Variants in FAM241A observed in about 807,000 individuals in gnomAD.
The protein encoded by FAM241A is family with sequence similarity 241 member A, also known as uncharacterized protein FAM241A.
In FAM241A, 7 loss-of-function variants were observed where a neutral mutation model predicts 12.2. That is an observed-to-expected ratio of 0.58 (90% confidence interval 0.33 to 1.08). The LOEUF (loss-of-function observed/expected upper bound fraction) is 1.08, where lower values mean the gene tolerates loss of function less well. Ranked by LOEUF, FAM241A falls within the 50% of genes least tolerant of loss-of-function variation. FAM241A has a pLI of 0.04. For synonymous variants in FAM241A, 74 were observed against 68.2 expected (o/e 1.08, Z -0.42); for missense variants, 161 against 169.7 (o/e 0.95, Z 0.29).
In FAM241A at chr4:112,188,998, GA is replaced by G. The variant is rs1353521453; in HGVS notation, c.*2063del. On this transcript the variant is annotated 3_prime_UTR_variant, in exon 2 of 2. Coordinates refer to ENST00000309733, the MANE Select transcript of FAM241A (RefSeq NM_152400.3). ...AAAAACAAACTTTGCCTATGTAATG[GA>G]AATAAAATATTTTCTTTTATGAAAT... 1.3e-5 allele frequency: 2 copies of G among 152,040 alleles called. No homozygotes were observed. Among genetic ancestry groups the G allele is most frequent in the African/African-American group, 4.8e-5 (2 of 41,402 alleles). The allele number at this position is 152,040 out of a possible 1,614,324, so 9.4% of individuals were successfully genotyped here.
intron 1 of FAM241A, among the ~76,000 whole-genome samples, chr4:112,183,237 T>C (rs747664415): frequency 6.6e-6 from 1 of 151,972 alleles, no homozygotes; most frequent in African/African-American, 2.4e-5. Context: ...CGTATATAGG[T>C]TTATTATACT....
intron 1 of FAM241A, among the ~76,000 whole-genome samples, chr4:112,178,131 A>G (rs1468152585): frequency 6.6e-6 from 1 of 152,154 alleles, no homozygotes; most frequent in Non-Finnish European, 1.5e-5. Flanking sequence ...TAGATATATA[A>G]AGAAATAATT....
At position 112,187,638 on chromosome 4, in the gene FAM241A, T is replaced by A. The variant is rs1243291133; in HGVS notation, c.*700T>A. Reference sequence around the variant, plus strand: ...ATATATCATTTGAAGTTTCAGACAATTTTGGTGCTAATTACTTTTTGTGAG... The same window carrying A: ...ATATATCATTTGAAGTTTCAGACAAATTTGGTGCTAATTACTTTTTGTGAG... On this transcript the variant is annotated 3_prime_UTR_variant, in exon 2 of 2. Transcript: ENST00000309733. 6.7e-6 allele frequency: 1 copy of A among 150,174 alleles called. No individual in the cohort carries two copies. Among genetic ancestry groups the A allele is most frequent in the African/African-American group, 2.4e-5 (1 of 41,382 alleles). 9.3% of individuals were successfully genotyped at this position (150,174 alleles called of 1,614,324 possible). A position where few individuals can be genotyped will look rare whatever the true frequency, so the allele number is the denominator to read the frequency against.
At position 112,184,267 on chromosome 4, in the gene FAM241A, C is replaced by T. The variant is rs1478787173; in HGVS notation, c.154-2426C>T. Among the ~76,000 whole-genome samples the T allele has an allele frequency of 2.6e-5, 4 of 152,182 alleles. No homozygotes were observed. The South Asian group carries it at 6.2e-4, about 24-fold the overall frequency. On this transcript the variant is annotated intron_variant, in intron 1 of 1. Coordinates refer to ENST00000309733, the MANE Select transcript of FAM241A (RefSeq NM_152400.3). ...AAAATAGGCCGGGCACAGTGGCTCA[C>T]GCTGGTAATTCCAGCACTTTGGGAG...
intron 1 of FAM241A, among the ~76,000 whole-genome samples, chr4:112,155,961 A>G (rs1470102750): frequency 6.6e-6 from 1 of 152,222 alleles, no homozygotes; most frequent in Non-Finnish European, 1.5e-5. Context: ...GTTAAGTAAC[A>G]TAGTGAAAGT....
intron 1 of FAM241A, among the ~76,000 whole-genome samples, chr4:112,177,810 C>A (rs1481634983): frequency 6.6e-6 from 1 of 152,056 alleles, no homozygotes; most frequent in Admixed American, 6.6e-5. Context: ...TTTTAGCTAG[C>A]AGCTGTCATA....
Position 112,189,821 on chromosome 4 carries a change from AAATT to A in FAM241A, c.*2885_*2888del. 6.6e-6 allele frequency: 1 copy of A among 151,694 alleles called. No individual in the cohort carries two copies. Among genetic ancestry groups the A allele is most frequent in the Non-Finnish European group, 1.5e-5 (1 of 67,996 alleles). The allele number at this position is 151,694 out of a possible 1,614,324, so 9.4% of individuals were successfully genotyped here. A position where few individuals can be genotyped will look rare whatever the true frequency, so the allele number is the denominator to read the frequency against. On this transcript the variant is annotated 3_prime_UTR_variant, in exon 2 of 2. Coordinates refer to ENST00000309733, the MANE Select transcript of FAM241A (RefSeq NM_152400.3). ...CATGGTGAGAGTATTTACACCAAAA[AAATT>A]AGTAAACACTGCAAATCAGATCTTT... is the stretch of plus-strand genomic sequence containing the variant.
At chr4:112,179,085 C>A (rs1240717163) in intron 1 of FAM241A, among the ~76,000 whole-genome samples, 1 of 152,110 alleles carries the variant, frequency 6.6e-6, no homozygotes, top group Non-Finnish European at 1.5e-5. Flanking sequence ...GAACTTCAAA[C>A]ACTCTGATGT....
chr4:112,190,567 T>C lies in FAM241A; in HGVS notation c.*3629T>C, dbSNP rs1310644514. 6.7e-6 allele frequency: 1 copy of C among 148,168 alleles called. No individual in the cohort carries two copies. The highest frequency in any genetic ancestry group is 1.5e-5 in the Non-Finnish European group (1 of 67,346). 9.2% of individuals were successfully genotyped at this position (148,168 alleles called of 1,614,324 possible). On this transcript the variant is annotated 3_prime_UTR_variant, in exon 2 of 2. Coordinates refer to ENST00000309733, the MANE Select transcript of FAM241A (RefSeq NM_152400.3). ...ATACAAAATTAGCTAGGCGTGGTGG[T>C]GCATGCCTGTAATCTCAGCTACTCA...
chr4:112,175,256 G>A (rs1723796605), intron 1 of FAM241A, among the ~76,000 whole-genome samples: 1 of 152,060 alleles, frequency 6.6e-6, no homozygotes, highest in Non-Finnish European at 1.5e-5. Context: ...CCATTTCTTG[G>A]CTTTACTTTA....
rs1445711697 is a variant in FAM241A, at chr4:112,187,616, T to TAA, written c.*679_*680insAA. On this transcript the variant is annotated 3_prime_UTR_variant, in exon 2 of 2. Transcript: ENST00000309733. ...ATTTGGACCTAGACCTACTTTAATA[T>TAA]ATCATTTGAAGTTTCAGACAATTTT... is the stretch of plus-strand genomic sequence containing the variant. 6.6e-6 allele frequency: 1 copy of TAA among 152,472 alleles called. No homozygotes were observed. The highest frequency in any genetic ancestry group is 2.4e-5 in the African/African-American group (1 of 41,456). The allele number at this position is 152,472 out of a possible 1,614,324, so 9.4% of individuals were successfully genotyped here.
Position 112,161,351 on chromosome 4 carries a change from A to T in FAM241A, c.153+15618A>T, listed in dbSNP as rs184487392. 4.2e-3 allele frequency among the ~76,000 whole-genome samples: 637 copies of T among 152,322 alleles called. 7 individuals carry two copies. The highest frequency in any genetic ancestry group is 0.015 in the African/African-American group (611 of 41,564). On this transcript the variant is annotated intron_variant, in intron 1 of 1. Coordinates refer to ENST00000309733, the MANE Select transcript of FAM241A (RefSeq NM_152400.3). Reference sequence around the variant, plus strand: ...GGAGATACAGACACAAAAAACCTTCAAAAAATCAATGAATCTAGGAGCTGG... The same window carrying T: ...GGAGATACAGACACAAAAAACCTTCTAAAAATCAATGAATCTAGGAGCTGG...
At chr4:112,179,615 A>T (rs1178317094) in intron 1 of FAM241A, among the ~76,000 whole-genome samples, 1 of 151,948 alleles carries the variant, frequency 6.6e-6, no homozygotes. Flanking sequence ...GTAAATGACG[A>T]GTTAATGGGT....
Position 112,146,912 on chromosome 4 carries a change from C to G in FAM241A, c.153+1179C>G, listed in dbSNP as rs148736395. On this transcript the variant is annotated intron_variant, in intron 1 of 1. Transcript: ENST00000309733. ...ATTTGGTAGCTTGTTCTTCGGATTC[C>G]CTTCCTAGTGGTTTTTCCCGTTAAC... Among the ~76,000 whole-genome samples, 491 of 152,280 alleles carry G rather than the reference C, an allele frequency of 3.2e-3. 1 individual carries two copies. The highest frequency in any genetic ancestry group is 5.3e-3 in the Non-Finnish European group (361 of 68,026).
intron 1 of FAM241A, among the ~76,000 whole-genome samples, chr4:112,183,543 A>G (rs1176373984): frequency 6.6e-6 from 1 of 152,150 alleles, no homozygotes; most frequent in Non-Finnish European, 1.5e-5. Flanking sequence ...TTAAACCTTC[A>G]GACAGTACCT....
chr4:112,179,086 A>G (rs1337914705), intron 1 of FAM241A, among the ~76,000 whole-genome samples: 1 of 152,186 alleles, frequency 6.6e-6, no homozygotes, highest in East Asian at 1.9e-4. Context: ...AACTTCAAAC[A>G]CTCTGATGTA....
At chr4:112,170,521 T>C (rs1352566214) in intron 1 of FAM241A, among the ~76,000 whole-genome samples, 1 of 152,190 alleles carries the variant, frequency 6.6e-6, no homozygotes, top group African/African-American at 2.4e-5. Context: ...CTTCTTGTGA[T>C]CTGTCGATCT....
chr4:112,154,831 G>C (rs922858565), intron 1 of FAM241A, among the ~76,000 whole-genome samples: 2 of 151,922 alleles, frequency 1.3e-5, no homozygotes, highest in East Asian at 3.9e-4. Context: ...CCAGGAGTTC[G>C]AGACCAGCCT....
intron 1 of FAM241A, among the ~76,000 whole-genome samples, chr4:112,176,691 G>A (rs891257200): frequency 1.4e-4 from 22 of 152,116 alleles, no homozygotes; most frequent in African/African-American, 5.3e-4. Flanking sequence ...GAAGGATTTT[G>A]AATCAGTTAG....
Sources: allele counts gnomAD v4.1 joint callset (sites outside exome capture counted in the v4.1 genomes callset), GRCh38; gene constraint gnomAD v4.1.1; transcripts MANE v1.5; gene names NCBI Gene and HGNC (gene_info 2026-07-23, HGNC 2026-07-21).